The following QTGAL variants were observed in gnomAD, a reference collection of about 807,000 sequenced individuals.
QTGAL encodes the protein queuosine-tRNA galactosyltransferase.
At chr17:83,001,443 A>T in the QTGAL span, among the ~76,000 whole-genome samples, 4 of 152,218 alleles carry the variant, frequency 2.6e-5, no homozygotes, top group Admixed American at 2.6e-4. Context: ...GAAGAAGATG[A>T]GAAAGTGGAC....
the QTGAL span, among the ~76,000 whole-genome samples, chr17:83,008,381 C>T: frequency 6.6e-6 from 1 of 152,202 alleles, no homozygotes; most frequent in Non-Finnish European, 1.5e-5. Flanking sequence ...TCTTGGAACT[C>T]TTTCTGAATT....
At chr17:82,994,354 T>C in the QTGAL span, among the ~76,000 whole-genome samples, 1 of 152,036 alleles carries the variant, frequency 6.6e-6, no homozygotes, top group Non-Finnish European at 1.5e-5. Flanking sequence ...TAGTGGCTAG[T>C]ATGAGCAAGT....
the QTGAL span, among the ~76,000 whole-genome samples, chr17:82,958,395 C>T: frequency 5.3e-5 from 8 of 152,320 alleles, no homozygotes; most frequent in African/African-American, 9.6e-5. Context: ...GAGTCTCCTC[C>T]GGGGTGGGGT....
the QTGAL span, among the ~76,000 whole-genome samples, chr17:83,016,255 T>A: frequency 6.6e-6 from 1 of 152,186 alleles, no homozygotes; most frequent in Non-Finnish European, 1.5e-5. Context: ...GAAATAAGAA[T>A]AATGTCATTG....
At chr17:82,953,887 A>G in the QTGAL span, among the ~76,000 whole-genome samples, 1 of 152,248 alleles carries the variant, frequency 6.6e-6, no homozygotes, top group African/African-American at 2.4e-5. Context: ...AAACAGAACC[A>G]AAGACGAAGA....
the QTGAL span, among the ~76,000 whole-genome samples, chr17:83,002,070 T>A: frequency 2.0e-5 from 3 of 146,876 alleles, no homozygotes; most frequent in African/African-American, 7.6e-5. Context: ...TTTTTTTTTT[T>A]AAATTTCCCA....
chr17:83,009,500 C>T, the QTGAL span, among the ~76,000 whole-genome samples: 488 of 152,314 alleles, frequency 3.2e-3, 1 homozygote, highest in African/African-American at 0.011. Context: ...GGTGAGTCCC[C>T]CCACTGCACG....
the QTGAL span, among the ~76,000 whole-genome samples, chr17:83,009,234 C>A: frequency 3.2e-4 from 48 of 152,038 alleles, no homozygotes; most frequent in Non-Finnish European, 6.6e-4. Flanking sequence ...CCAGCCTGAC[C>A]AACATGGTGA....
chr17:82,960,917 T>C, the QTGAL span: 1 of 1,304,404 alleles, frequency 7.7e-7, no homozygotes, highest in Non-Finnish European at 1.0e-6. Flanking sequence ...TGTTGCCCCG[T>C]GTCCCACCAG....
the QTGAL span, among the ~76,000 whole-genome samples, chr17:82,962,752 A>G: frequency 6.6e-6 from 1 of 152,228 alleles, no homozygotes; most frequent in Non-Finnish European, 1.5e-5. Context: ...AGGTTTAAGA[A>G]GAGAAAAAAG....
At chr17:83,051,676 G>A in the QTGAL span, 19 of 1,377,538 alleles carry the variant, frequency 1.4e-5, no homozygotes, top group Admixed American at 3.2e-4. Context: ...ACTGGAGGGC[G>A]GGGTGAGGGG....
chr17:83,016,324 C>A, the QTGAL span, among the ~76,000 whole-genome samples: 1 of 152,242 alleles, frequency 6.6e-6, no homozygotes, highest in South Asian at 2.1e-4. Flanking sequence ...ATATTTATGT[C>A]TCTTATTCCC....
the QTGAL span, among the ~76,000 whole-genome samples, chr17:82,990,446 C>A: frequency 2.6e-5 from 4 of 152,356 alleles, no homozygotes; most frequent in South Asian, 8.3e-4. Context: ...CATTTTTAAA[C>A]GGAAGTTTCT....
chr17:82,997,789 T>C, the QTGAL span, among the ~76,000 whole-genome samples: 1 of 152,258 alleles, frequency 6.6e-6, no homozygotes, highest in Middle Eastern at 3.4e-3. Context: ...AAACTTCACA[T>C]GTTCTCGCTT....
At chr17:82,995,689 A>G in the QTGAL span, among the ~76,000 whole-genome samples, 1 of 152,134 alleles carries the variant, frequency 6.6e-6, no homozygotes, top group Admixed American at 6.5e-5. Flanking sequence ...GGCCATCAGT[A>G]GCATTTCTAT....
At chr17:83,050,389 AAAAAAT>A in the QTGAL span, among the ~76,000 whole-genome samples, 1 of 152,098 alleles carries the variant, frequency 6.6e-6, no homozygotes, top group African/African-American at 2.4e-5. Context: ...AAAATTAAAA[AAAAAAT>A]AAAACGAGTT....
At chr17:82,958,277 C>T in the QTGAL span, among the ~76,000 whole-genome samples, 6 of 152,194 alleles carry the variant, frequency 3.9e-5, no homozygotes, top group Non-Finnish European at 7.3e-5. Context: ...AGATGCTGTC[C>T]TCCCCAATGG....
the QTGAL span, chr17:83,006,989 G>T: frequency 7.5e-6 from 3 of 398,606 alleles, no homozygotes; most frequent in Non-Finnish European, 1.0e-5. This position sits in a 1 kb window ranked among gnomAD's most constrained non-coding sequence, Gnocchi z 5.8. Context: ...CGCCAGCACT[G>T]GGTGTCTCGG....
At chr17:83,031,516 G>A in the QTGAL span, among the ~76,000 whole-genome samples, 1 of 152,288 alleles carries the variant, frequency 6.6e-6, no homozygotes. Context: ...CTGGCGCCAC[G>A]TTTAGACAGG....
Sources: allele counts gnomAD v4.1 joint callset (sites outside exome capture counted in the v4.1 genomes callset), GRCh38; gene constraint gnomAD v4.1.1; non-coding constraint Gnocchi (gnomAD v3.1); transcripts MANE v1.5; gene names NCBI Gene and HGNC (gene_info 2026-07-23, HGNC 2026-07-21).